Variants in DNAJA2 observed in about 807,000 individuals in gnomAD.
DNAJA2 encodes dnaJ homolog subfamily A member 2.
Under a neutral mutation model 49.3 loss-of-function variants are expected in DNAJA2, and 6 were observed. That is an observed-to-expected ratio of 0.12 (90% CI 0.07 to 0.24). The LOEUF (loss-of-function observed/expected upper bound fraction) is 0.24, where lower values mean the gene tolerates loss of function less well. Among genes scored for constraint, DNAJA2 ranks in the 10% least tolerant of loss-of-function variants. The pLI is 1.00. For missense variants in DNAJA2, 347 were observed against 516.8 expected, an observed-to-expected ratio of 0.67 and a Z score of 3.19; for synonymous variants, 160 against 172.7, an observed-to-expected ratio of 0.93 and a Z score of 0.58.
chr16:46,967,997 A>T (rs566350491), intron 4 of DNAJA2, 87 bp downstream of exon 4: 2 of 1,299,766 alleles, frequency 1.5e-6, no homozygotes, highest in Non-Finnish European at 2.1e-6. Context: ...GTTTTAACTT[A>T]TAACAATTTT....
chr16:46,972,126 T>C (rs1379700190), intron 1 of DNAJA2, 171 bp from the exon 2 acceptor site: 3 of 597,700 alleles, frequency 5.0e-6, no homozygotes, highest in Non-Finnish European at 8.8e-6. Context: ...TGTTTACTAA[T>C]GTAATATAAC....
intron 5 of DNAJA2, among the ~76,000 whole-genome samples, chr16:46,966,748 A>G (rs1222843185): frequency 6.6e-6 from 1 of 152,220 alleles, no homozygotes; most frequent in Non-Finnish European, 1.5e-5. Context: ...CAATCTCAAG[A>G]TCAATTCTGA....
intron 2 of DNAJA2, 28 bp downstream of exon 2, chr16:46,971,868 C>G (rs199855066): frequency 1.3e-6 from 2 of 1,588,184 alleles, no homozygotes; most frequent in Non-Finnish European, 1.7e-6. Flanking sequence ...CTAAAACCCC[C>G]GGAATAAAAA....
At chr16:46,967,114 T>A (rs1961983238) in intron 5 of DNAJA2, among the ~76,000 whole-genome samples, 1 of 152,160 alleles carries the variant, frequency 6.6e-6, no homozygotes, top group African/African-American at 2.4e-5. Context: ...TGCAACAGGG[T>A]CTTGTTCTGT....
intron 1 of DNAJA2, 60 bp from the exon 2 acceptor site, chr16:46,972,015 ATAACT>A (rs1432875038): frequency 5.3e-6 from 6 of 1,125,416 alleles, no homozygotes; most frequent in Admixed American, 5.3e-5. Flanking sequence ...AAGTTTTGTA[ATAACT>A]TAATATCCAC....
chr16:46,967,623 ACAG>A lies in DNAJA2; in HGVS notation c.464_466del (p.Ala155del). 1 of 1,614,176 alleles carries A rather than the reference ACAG, an allele frequency of 6.2e-7. No homozygotes were observed. The highest frequency in any genetic ancestry group is 8.5e-7 in the Non-Finnish European group (1 of 1,180,040). ...ACCTCGACAAGCACTACACTTTTGG[ACAG>A]CTCCAGACTTTCCGCCTTGGCTAAA... On this transcript the variant is annotated inframe_deletion, in exon 5 of 9. Transcript: ENST00000317089.
intron 5 of DNAJA2, among the ~76,000 whole-genome samples, chr16:46,966,932 T>A (rs955639290): frequency 6.6e-6 from 1 of 152,182 alleles, no homozygotes; most frequent in African/African-American, 2.4e-5. Flanking sequence ...AAATAAAAGG[T>A]TATATTTGAT....
chr16:46,963,394 C>T (rs1961925615), intron 6 of DNAJA2, among the ~76,000 whole-genome samples: 1 of 151,888 alleles, frequency 6.6e-6, no homozygotes, highest in Admixed American at 6.6e-5. Flanking sequence ...CTAGGCTGGG[C>T]ACTGTGGCTC....
At position 46,971,973 on chromosome 16, in the gene DNAJA2, A is replaced by G; in HGVS notation, c.79-18T>C. The G allele has an allele frequency of 2.5e-6, 4 of 1,585,920 alleles. No individual in the cohort carries two copies. Among genetic ancestry groups the G allele is most frequent in the Non-Finnish European group, 3.5e-6 (4 of 1,155,662 alleles). ...CTGTATGCCTTTGAAAATGGATAAA[A>G]ACAAAAAAGGTTATAACTAAACACC... On this transcript the variant is annotated intron_variant, in intron 1 of 8. Coordinates refer to ENST00000317089, the MANE Select transcript of DNAJA2 (RefSeq NM_005880.4).
Position 46,959,097 on chromosome 16 carries a change from G to T in DNAJA2, c.953C>A (p.Pro318Gln). 6.3e-7 allele frequency: 1 copy of T among 1,575,212 alleles called. No homozygotes were observed. Among genetic ancestry groups the T allele is most frequent in the Non-Finnish European group, 8.6e-7 (1 of 1,161,764 alleles). ...CVRVVRGEGM[P>Q]QYRNPFEKGD... ...TTTTTCAAAGGGATTACGATACTGCGGCATCCCTTCACCTCGAACTACACG... is the reference window on the plus strand; with the variant it reads ...TTTTTCAAAGGGATTACGATACTGCTGCATCCCTTCACCTCGAACTACACG... Residue 318 changes from proline (P) to glutamine (Q), a missense_variant, in exon 8 of 9, where the codon CCG becomes CAG. Pro to Gln is a moderately conservative substitution (Grantham distance 76, BLOSUM62 -1). Transcript: ENST00000317089.
intron 6 of DNAJA2, among the ~76,000 whole-genome samples, chr16:46,963,525 A>AC (rs1306539612): frequency 6.6e-6 from 1 of 151,432 alleles, no homozygotes; most frequent in South Asian, 2.1e-4. Context: ...AAAAAAAAAA[A>AC]AAACCCCAAA....
intron 3 of DNAJA2, 130 bp from the exon 4 acceptor site, chr16:46,968,294 A>C (rs1486552519): frequency 5.9e-5 from 35 of 589,840 alleles, no homozygotes; most frequent in Middle Eastern, 3.0e-4. Flanking sequence ...TCATAATCTC[A>C]CATTAAATCA....
chr16:46,963,709 C>A (rs571485108), intron 6 of DNAJA2, among the ~76,000 whole-genome samples: 20 of 151,898 alleles, frequency 1.3e-4, no homozygotes, highest in African/African-American at 3.6e-4. Flanking sequence ...AAAACAAAAA[C>A]CCCCCAAAAC....
chr16:46,959,322 C>G lies in DNAJA2; in HGVS notation c.872G>C (p.Gly291Ala), dbSNP rs758668893. 8 of 1,613,888 alleles carry G rather than the reference C, an allele frequency of 5.0e-6. No homozygotes were observed. The highest frequency in any genetic ancestry group is 6.8e-6 in the Non-Finnish European group (8 of 1,179,990). The part of the protein sequence containing the change: ...GFQFTFKHLD[G>A]RQIVVKYPPG... ...GGGGTATTTCACCACAATCTGACGT[C>G]CATCAAGGTGCTTAAATGTGAACTG... The change falls in exon 7 of 9, where the codon GGA (glycine) becomes GCA (alanine). Residue 291 changes from glycine to alanine, a missense_variant. Transcript: ENST00000317089.
At chr16:46,970,431 T>C (rs1962026792) in intron 3 of DNAJA2, among the ~76,000 whole-genome samples, 1 of 152,168 alleles carries the variant, frequency 6.6e-6, no homozygotes, top group African/African-American at 2.4e-5. Flanking sequence ...AAAAGGTAAC[T>C]TGGAAGATTC....
chr16:46,971,584 A>T lies in DNAJA2; in HGVS notation c.139-12T>A. 1 of 1,553,050 alleles carries T rather than the reference A, an allele frequency of 6.4e-7. No individual in the cohort carries two copies. On this transcript the variant is annotated splice_polypyrimidine_tract_variant and intron_variant, in intron 2 of 8. Transcript: ENST00000317089. ...CTTATTTCTTTAAACTATAAAGAAA[A>T]GGTAAAAATAAAAATAATTGCATTT...
chr16:46,964,913 A>T, intron 5 of DNAJA2, 106 bp from the exon 6 acceptor site: 1 of 958,446 alleles, frequency 1.0e-6, no homozygotes, highest in South Asian at 1.9e-5. Flanking sequence ...CACTACCTAA[A>T]TTTTTATTCA....
intron 5 of DNAJA2, among the ~76,000 whole-genome samples, 200 bp from the exon 6 acceptor site, chr16:46,965,007 C>A (rs576780907): frequency 2.6e-5 from 4 of 152,248 alleles, no homozygotes; most frequent in African/African-American, 9.6e-5. Context: ...ATCACTTGAG[C>A]TCAGGATCTG....
chr16:46,967,860 C>T (rs887170751), intron 4 of DNAJA2, among the ~76,000 whole-genome samples: 57 of 152,040 alleles, frequency 3.7e-4, no homozygotes, highest in African/African-American at 1.2e-3. Context: ...AGTGCAGTGG[C>T]GCAATCTTGG....
Sources: allele counts gnomAD v4.1 joint callset (sites outside exome capture counted in the v4.1 genomes callset), GRCh38; gene constraint gnomAD v4.1.1; transcripts MANE v1.5; gene names NCBI Gene and HGNC (gene_info 2026-07-23, HGNC 2026-07-21).